Variants in ITFG2 observed in about 807,000 individuals in gnomAD.
ITFG2 encodes the protein integrin alpha FG-GAP repeat containing 2.
Under a neutral mutation model 54.4 loss-of-function variants are expected in ITFG2, and 36 were observed. That is an observed-to-expected ratio of 0.66 (90% CI 0.51 to 0.87). ITFG2 has a LOEUF of 0.87. Among genes scored for constraint, ITFG2 ranks in the 40% least tolerant of loss-of-function variants. The pLI is 0.00. For missense variants in ITFG2, 524 were observed against 576.7 expected (o/e 0.91, Z 0.94); for synonymous variants, 211 against 225.4 (o/e 0.94, Z 0.57).
intron 11 of ITFG2, 66 bp downstream of exon 11, chr12:2,824,009 C>T (rs758672562): frequency 1.8e-5 from 29 of 1,612,474 alleles, no homozygotes; most frequent in Admixed American, 6.7e-5. Context: ...AGGAGCTGGG[C>T]GTGGGTGAGT....
At chr12:2,841,805 G>A (rs1331897232) in intron 2 of ITFG2, among the ~76,000 whole-genome samples, 7 of 151,128 alleles carry the variant, frequency 4.6e-5, no homozygotes, top group Admixed American at 2.0e-4. Flanking sequence ...TGCAACCTCC[G>A]CCTCCTGGGT....
upstream of ITFG2, among the ~76,000 whole-genome samples, chr12:2,833,077 C>T (rs1475645169): frequency 1.3e-5 from 2 of 151,954 alleles, no homozygotes; most frequent in Admixed American, 6.6e-5. Flanking sequence ...GTCTTCCCTG[C>T]CTGTTGTGCC....
chr12:2,841,505 C>T (rs1008878937), intron 2 of ITFG2, among the ~76,000 whole-genome samples: 1 of 152,250 alleles, frequency 6.6e-6, no homozygotes, highest in East Asian at 1.9e-4. Context: ...TTGCATTTAC[C>T]ACTGGGTGTC....
chr12:2,831,509 A>G (rs1337177561), downstream of ITFG2, among the ~76,000 whole-genome samples: 1 of 151,970 alleles, frequency 6.6e-6, no homozygotes, highest in African/African-American at 2.4e-5. Context: ...ACCTGAACCT[A>G]GAAGGCAGAG....
chr12:2,834,663 C>CCT (rs1336293521), upstream of ITFG2: 1 of 1,602,018 alleles, frequency 6.2e-7, no homozygotes, highest in African/African-American at 1.3e-5. Context: ...AGGTGCCGAG[C>CCT]CTCTTGAGGC....
chr12:2,847,460 G>A (rs2153927788), intron 2 of ITFG2, among the ~76,000 whole-genome samples: 1 of 152,128 alleles, frequency 6.6e-6, no homozygotes, highest in East Asian at 1.9e-4. Context: ...AAGGTCAGGA[G>A]ATCGAGCCCA....
intron 2 of ITFG2, among the ~76,000 whole-genome samples, chr12:2,854,546 ACC>A (rs2098081238): frequency 1.3e-5 from 2 of 150,472 alleles, no homozygotes; most frequent in African/African-American, 4.9e-5. Context: ...TCCTTACAAC[ACC>A]CCCTGTCTCG....
chr12:2,837,199 C>T (rs1184685037), intron 1 of ITFG2, among the ~76,000 whole-genome samples: 2 of 151,978 alleles, frequency 1.3e-5, no homozygotes, highest in Non-Finnish European at 2.9e-5. Context: ...TGGGCATGGC[C>T]GGGCGCGGTG....
intron 2 of ITFG2, chr12:2,855,377 C>CT: frequency 8.0e-7 from 1 of 1,254,858 alleles, no homozygotes. Context: ...TCCCAGGACT[C>CT]GCTGGGGAGG....
rs375796870 is a variant in ITFG2 at position 2,818,434 on chromosome 12, T to C, written c.406+157T>C. ...ATAAGCCAGGCATCACTCAAGGCAC[T>C]GGAATTGCCATAGTGAATAAATAGA... On this transcript the variant is annotated intron_variant, in intron 4 of 11. Transcript: ENST00000228799. 801 of 1,442,086 alleles carry C rather than the reference T, an allele frequency of 5.6e-4. 12 individuals carry two copies. In the South Asian group the frequency reaches 9.3e-3, roughly 17 times the overall value. The allele number at this position is 1,442,086 out of a possible 1,614,324, so 89.3% of individuals were successfully genotyped here. A position where few individuals can be genotyped will look rare whatever the true frequency, so the allele number is the denominator to read the frequency against.
At chr12:2,816,861 C>A (rs2097923452) in intron 1 of ITFG2, among the ~76,000 whole-genome samples, 1 of 139,074 alleles carries the variant, frequency 7.2e-6, no homozygotes, top group South Asian at 2.4e-4. Context: ...AGGCTGGTCT[C>A]GAATTCCTGA....
At chr12:2,855,168 A>G (rs1475179005) in intron 2 of ITFG2, 1 of 1,519,060 alleles carries the variant, frequency 6.6e-7, no homozygotes, top group Non-Finnish European at 8.8e-7. Context: ...AGACATTGCT[A>G]TCGTAGGGCC....
downstream of ITFG2, chr12:2,827,534 A>G: frequency 6.3e-7 from 1 of 1,594,776 alleles, no homozygotes; most frequent in African/African-American, 1.4e-5. The surrounding 1 kb of genome is among the most constrained non-coding windows in gnomAD (Gnocchi z 4.0). Context: ...TCTCTAAGTC[A>G]CTCTCATCAG....
At chr12:2,841,765 C>A (rs1378977609) in intron 2 of ITFG2, among the ~76,000 whole-genome samples, 1 of 151,918 alleles carries the variant, frequency 6.6e-6, no homozygotes, top group African/African-American at 2.4e-5. Flanking sequence ...GTCACCCAGG[C>A]TGGAGTGCAG....
intron 1 of ITFG2, among the ~76,000 whole-genome samples, chr12:2,839,998 G>C (rs2098037181): frequency 6.6e-6 from 1 of 151,922 alleles, no homozygotes; most frequent in Non-Finnish European, 1.5e-5. Context: ...CTTCCTGTTG[G>C]GTACTGTGGT....
At chr12:2,827,796 A>G, downstream of ITFG2, 1 of 1,603,942 alleles carries the variant, frequency 6.2e-7, no homozygotes, top group Non-Finnish European at 8.5e-7. The surrounding 1 kb of genome is among the most constrained non-coding windows in gnomAD (Gnocchi z 4.0). Context: ...ACACTGGCAC[A>G]GAGATGGGGG....
rs114608193 is a variant in ITFG2 at position 2,859,265 on chromosome 12, C to T, written n.621-269C>T. On this transcript the variant is annotated intron_variant and non_coding_transcript_variant, in intron 3 of 3. Coordinates refer to the ITFG2 transcript ENST00000537710. ...CTGAGAAGAGCAGCTCCGGCTCATC[C>T]ACACAGGGAGGCAGTAGATGCTGTT... is the stretch of plus-strand genomic sequence containing the variant. The T allele has an allele frequency of 4.3e-4, 688 of 1,613,752 alleles. 6 individuals carry two copies. The African/African-American group carries it at 7.9e-3, about 19-fold the overall frequency.
chr12:2,817,903 T>C lies in ITFG2; in HGVS notation c.193-6T>C, dbSNP rs555645331. 1 of 1,613,724 alleles carries C rather than the reference T, an allele frequency of 6.2e-7. No individual in the cohort carries two copies. The highest frequency in any genetic ancestry group is 8.5e-7 in the Non-Finnish European group (1 of 1,179,844). On this transcript the variant is annotated splice_polypyrimidine_tract_variant and splice_region_variant and intron_variant, in intron 2 of 11. Coordinates refer to ENST00000228799, the MANE Select transcript of ITFG2 (RefSeq NM_018463.4). ...GTCTCCCTGAGCCTCCCTTTCTCTCTTACAGCTGACTTGCGTTGGGGTTGG... is the reference window on the plus strand; with the variant it reads ...GTCTCCCTGAGCCTCCCTTTCTCTCCTACAGCTGACTTGCGTTGGGGTTGG...
Position 2,838,931 on chromosome 12 carries a change from C to T in ITFG2, n.147-1911C>T, listed in dbSNP as rs867354109. 3.9e-5 allele frequency among the ~76,000 whole-genome samples: 6 copies of T among 152,058 alleles called. No individual in the cohort carries two copies. The Middle Eastern group carries it at 0.01, about 259-fold the overall frequency. Reference sequence around the variant, plus strand: ...GTGTTGTGAGGCTAGGCGAGCGGCCCGGCCTTGCCCATGACAGCTCAGTCT... The same window carrying T: ...GTGTTGTGAGGCTAGGCGAGCGGCCTGGCCTTGCCCATGACAGCTCAGTCT... On this transcript the variant is annotated intron_variant and non_coding_transcript_variant, in intron 1 of 3. Coordinates refer to the ITFG2 transcript ENST00000537710.
Sources: allele counts gnomAD v4.1 joint callset (sites outside exome capture counted in the v4.1 genomes callset), GRCh38; gene constraint gnomAD v4.1.1; non-coding constraint Gnocchi (gnomAD v3.1); transcripts MANE v1.5; gene names NCBI Gene and HGNC (gene_info 2026-07-23, HGNC 2026-07-21).